The following CBFA2T3 variants were observed in gnomAD, a reference collection of about 807,000 sequenced individuals.
CBFA2T3 encodes the protein CBFA2/RUNX1 partner transcriptional co-repressor 3, also known as transcriptional corepressor CBFA2T3.
Under a neutral mutation model 58.6 loss-of-function variants are expected in CBFA2T3, and 31 were observed. That is an observed-to-expected ratio of 0.53 (90% CI 0.40 to 0.71). The LOEUF is 0.71. Among genes scored for constraint, CBFA2T3 ranks in the 30% least tolerant of loss-of-function variants. The pLI, the probability that CBFA2T3 is intolerant of heterozygous loss-of-function variation, is 0.00. For missense variants in CBFA2T3, 1,076 were observed against 963.1 expected, an observed-to-expected ratio of 1.12 and a Z score of -1.55; for synonymous variants, 531 against 421.9, an observed-to-expected ratio of 1.26 and a Z score of -3.17.
intron 9 of CBFA2T3, 22 bp downstream of exon 9, chr16:88,881,269 T>C: frequency 1.9e-6 from 3 of 1,584,196 alleles, no homozygotes; most frequent in South Asian, 1.1e-5. Context: ...GTCTGCTCCC[T>C]CCCCCCACAC....
Position 88,920,437 on chromosome 16 carries a change from C to T in CBFA2T3, c.152-18781G>A, listed in dbSNP as rs569040886. Among the ~76,000 whole-genome samples, 105 of 146,634 alleles carry T rather than the reference C, an allele frequency of 7.2e-4. No individual in the cohort carries two copies. The South Asian group carries it at 0.013, about 19-fold the overall frequency. On this transcript the variant is annotated intron_variant, in intron 1 of 11. Transcript: ENST00000268679. ...GGTTACAGGTGCCCACCACCATACC[C>T]GGCCAATTTTTTTTTTTTTTTTTTT...
In CBFA2T3 at chr16:88,887,884, C is replaced by T. The variant is rs114221928; in HGVS notation, c.712-1742G>A. Among the ~76,000 whole-genome samples, 764 of 152,270 alleles carry T rather than the reference C, an allele frequency of 5.0e-3. 9 individuals carry two copies. Among genetic ancestry groups the T allele is most frequent in the African/African-American group, 0.018 (730 of 41,550 alleles). ...GGGGAACTGGTGTTTGCAATGACGG[C>T]GGCGGTGGCTGAGGCACTAGTTGAG... is the stretch of plus-strand genomic sequence containing the variant. On this transcript the variant is annotated intron_variant, in intron 5 of 11. Coordinates refer to ENST00000268679, the MANE Select transcript of CBFA2T3 (RefSeq NM_005187.6).
At chr16:88,945,577 A>G (rs1002120248) in intron 1 of CBFA2T3, among the ~76,000 whole-genome samples, 1 of 152,256 alleles carries the variant, frequency 6.6e-6, no homozygotes, top group Non-Finnish European at 1.5e-5. Context: ...AACGATGCCC[A>G]GCAGCCTTGC....
At chr16:88,914,985 T>G (rs935031785) in intron 1 of CBFA2T3, among the ~76,000 whole-genome samples, 187 of 40,388 alleles carry the variant, frequency 4.6e-3, no homozygotes, top group African/African-American at 6.3e-3. Context: ...GGGGTGGGGG[T>G]GGGGGTGTGG....
intron 1 of CBFA2T3, among the ~76,000 whole-genome samples, chr16:88,971,668 C>T (rs1972659128): frequency 6.6e-6 from 1 of 152,274 alleles, no homozygotes; most frequent in Non-Finnish European, 1.5e-5. Context: ...GTGACCCAGT[C>T]CACAGCTCCC....
intron 1 of CBFA2T3, among the ~76,000 whole-genome samples, chr16:88,915,969 GGTCT>G (rs1970705824): frequency 6.6e-6 from 1 of 152,068 alleles, no homozygotes. Context: ...TGGGTGCATG[GGTCT>G]GTATTCATGT....
At chr16:88,970,760 A>G (rs1972634848) in intron 1 of CBFA2T3, among the ~76,000 whole-genome samples, 1 of 152,236 alleles carries the variant, frequency 6.6e-6, no homozygotes, top group Non-Finnish European at 1.5e-5. Flanking sequence ...TCCAGGGCTC[A>G]GCACCCTCCT....
At chr16:88,960,616 A>C (rs970538241) in intron 1 of CBFA2T3, among the ~76,000 whole-genome samples, 1 of 152,232 alleles carries the variant, frequency 6.6e-6, no homozygotes, top group Non-Finnish European at 1.5e-5. Context: ...TGGAATGCAG[A>C]CATGATGCCT....
At chr16:88,911,914 T>A (rs1970544482) in intron 1 of CBFA2T3, among the ~76,000 whole-genome samples, 1 of 152,262 alleles carries the variant, frequency 6.6e-6, no homozygotes, top group Non-Finnish European at 1.5e-5. Flanking sequence ...GGGGAAGCTC[T>A]GTTGCCCAGA....
rs538029743 is a variant in CBFA2T3, at chr16:88,970,163, C to T, written c.151+6494G>A. Among the ~76,000 whole-genome samples, 10 of 151,862 alleles carry T rather than the reference C, an allele frequency of 6.6e-5. No individual in the cohort carries two copies. In the South Asian group the frequency reaches 1.0e-3, roughly 16 times the overall value. ...CGGCTGCTCTGCAGCTGTCCTGGGC[C>T]GAGAGAGGATTTCACTCCAGGAGGC... On this transcript the variant is annotated intron_variant, in intron 1 of 11. Coordinates refer to ENST00000268679, the MANE Select transcript of CBFA2T3 (RefSeq NM_005187.6).
intron 3 of CBFA2T3, among the ~76,000 whole-genome samples, chr16:88,897,365 G>A (rs944003830): frequency 5.9e-5 from 9 of 152,260 alleles, no homozygotes; most frequent in African/African-American, 2.2e-4. Flanking sequence ...GGGCCATGCT[G>A]CCAGGCTGGC....
chr16:88,893,531 G>A (rs1024191169), intron 3 of CBFA2T3, among the ~76,000 whole-genome samples: 1 of 152,196 alleles, frequency 6.6e-6, no homozygotes, highest in Non-Finnish European at 1.5e-5. Context: ...AGAGGAGCTG[G>A]GACACCCAAG....
At position 88,885,093 on chromosome 16, in the gene CBFA2T3, T is replaced by C. The variant is rs753676354; in HGVS notation, c.1070A>G (p.Tyr357Cys). Residue 357 changes from tyrosine to cysteine, a missense_variant, in exon 7 of 12, where the codon TAC becomes TGC. Coordinates refer to ENST00000268679, the MANE Select transcript of CBFA2T3 (RefSeq NM_005187.6). The surrounding 1 kb of genome is among the most constrained non-coding windows in gnomAD (Gnocchi z 5.3). ...TAGCTCCCGGGGGTCTGGGTGGCGG[T>C]AGGCATCTCGGAAGTGGTGGGCCAT... ...IAMAHHFRDA[Y>C]RHPDPRELRE... The C allele has an allele frequency of 1.2e-6, 2 of 1,602,338 alleles. No individual in the cohort carries two copies. The highest frequency in any genetic ancestry group is 1.7e-6 in the Non-Finnish European group (2 of 1,177,534).
At chr16:88,909,760 C>A (rs772484549) in intron 1 of CBFA2T3, among the ~76,000 whole-genome samples, 2 of 152,210 alleles carry the variant, frequency 1.3e-5, no homozygotes, top group Non-Finnish European at 2.9e-5. Context: ...CCCGCACCCA[C>A]GCTGCCCCTG....
intron 1 of CBFA2T3, among the ~76,000 whole-genome samples, chr16:88,961,419 T>C (rs1457958207): frequency 6.7e-6 from 1 of 150,036 alleles, no homozygotes; most frequent in Non-Finnish European, 1.5e-5. Context: ...CACTCCATAG[T>C]AACCGACCTC....
chr16:88,929,093 T>C lies in CBFA2T3; in HGVS notation c.152-27437A>G, dbSNP rs571825400. On this transcript the variant is annotated intron_variant, in intron 1 of 11. Transcript: ENST00000268679. ...TGCCGAGTGCAAAATAGACCTGGGA[T>C]GGGGGTCAGGGGTAGAAGCAAAGAA... is the stretch of plus-strand genomic sequence containing the variant. 5.1e-3 allele frequency among the ~76,000 whole-genome samples: 780 copies of C among 151,996 alleles called. 6 individuals carry two copies. Among genetic ancestry groups the C allele is most frequent in the African/African-American group, 0.018 (735 of 41,440 alleles).
rs770602306 is a variant in CBFA2T3 at position 88,881,323 on chromosome 16, C to A, written c.1370G>T (p.Ser457Ile). 3.0e-5 allele frequency: 47 copies of A among 1,588,302 alleles called. No homozygotes were observed. The highest frequency in any genetic ancestry group is 9.0e-5 in the South Asian group (8 of 89,084). Reference protein sequence around the residue: ...GPAPAAARPRSSSAGPEGPQL... With the variant: ...GPAPAAARPRISSAGPEGPQL... The stretch of plus-strand genomic sequence containing the variant: ...AGGCCCTTCGGGACCGGCGGAGCTG[C>A]TGCGGGGCCGGGCCGCGGCGGGAGC... Residue 457 changes from serine (S) to isoleucine (I), a missense_variant, in exon 9 of 12, where the codon AGC (serine) becomes ATC (isoleucine). Transcript: ENST00000268679.
At chr16:88,951,594 C>G (rs1972074775) in intron 1 of CBFA2T3, 1 of 362,486 alleles carries the variant, frequency 2.8e-6, no homozygotes, top group South Asian at 2.2e-5. Context: ...TGTGGCTTCT[C>G]AGCTCCAGCT....
At chr16:88,882,007 G>T (rs370206626) in intron 8 of CBFA2T3, among the ~76,000 whole-genome samples, 1 of 152,178 alleles carries the variant, frequency 6.6e-6, no homozygotes, top group South Asian at 2.1e-4. Flanking sequence ...CAAGACTCAG[G>T]ATAGACTCTG....
Sources: allele counts gnomAD v4.1 joint callset (sites outside exome capture counted in the v4.1 genomes callset), GRCh38; gene constraint gnomAD v4.1.1; non-coding constraint Gnocchi (gnomAD v3.1); transcripts MANE v1.5; gene names NCBI Gene and HGNC (gene_info 2026-07-23, HGNC 2026-07-21).